The following TGFBR3 variants were observed in gnomAD, a reference collection of about 807,000 sequenced individuals.
TGFBR3 encodes transforming growth factor beta receptor type 3.
Under a neutral mutation model 87.9 loss-of-function variants are expected in TGFBR3, and 46 were observed. The ratio of observed to expected loss-of-function variants is 0.52; its 90% CI spans 0.41 to 0.67. TGFBR3 has a LOEUF of 0.67. TGFBR3 is among the 30% of genes least tolerant of loss of function. The probability of loss-of-function intolerance (pLI) is 0.00; values close to 1 mark genes in which losing one functional copy is unlikely to be tolerated. For missense variants in TGFBR3, 866 were observed against 1,041.9 expected, an observed-to-expected ratio of 0.83 and a Z score of 2.32; for synonymous variants, 381 against 391.6, an observed-to-expected ratio of 0.97 and a Z score of 0.32.
intron 2 of TGFBR3, among the ~76,000 whole-genome samples, chr1:91,857,019 A>G (rs1158414143): frequency 6.6e-6 from 1 of 152,182 alleles, no homozygotes. Flanking sequence ...GGAGGTGATG[A>G]TAATAATAAT....
intron 4 of TGFBR3, among the ~76,000 whole-genome samples, chr1:91,757,944 C>G (rs1008489470): frequency 6.6e-6 from 1 of 152,188 alleles, no homozygotes; most frequent in Non-Finnish European, 1.5e-5. Flanking sequence ...GTTACAACTA[C>G]CAAGTTGCAG....
chr1:91,875,961 G>A (rs1435392414), intron 1 of TGFBR3, among the ~76,000 whole-genome samples: 1 of 145,990 alleles, frequency 6.8e-6, no homozygotes, highest in East Asian at 2.0e-4. Context: ...GAAGACTGAA[G>A]AGACATCCGG....
intron 2 of TGFBR3, among the ~76,000 whole-genome samples, chr1:91,838,178 T>C (rs1045459900): frequency 6.6e-6 from 1 of 152,202 alleles, no homozygotes; most frequent in African/African-American, 2.4e-5. Context: ...ATCTCTTCTG[T>C]ATTATTCAGA....
At chr1:91,821,270 G>A (rs1676441183) in intron 2 of TGFBR3, among the ~76,000 whole-genome samples, 1 of 146,200 alleles carries the variant, frequency 6.8e-6, no homozygotes, top group Non-Finnish European at 1.5e-5. Flanking sequence ...ACAGAAGTTG[G>A]AGTGAGCCGA....
At chr1:91,750,249 ACT>A (rs1449465187) in intron 4 of TGFBR3, among the ~76,000 whole-genome samples, 1 of 152,120 alleles carries the variant, frequency 6.6e-6, no homozygotes, top group African/African-American at 2.4e-5. Flanking sequence ...CCATTCACTC[ACT>A]CACAACATTC....
chr1:91,717,201 G>C (rs1672205437), intron 10 of TGFBR3, among the ~76,000 whole-genome samples: 1 of 151,730 alleles, frequency 6.6e-6, no homozygotes, highest in Non-Finnish European at 1.5e-5. Context: ...CAGCAGCGAA[G>C]GACCTAATGT....
intron 2 of TGFBR3, among the ~76,000 whole-genome samples, chr1:91,856,436 C>T (rs1677958967): frequency 6.6e-6 from 1 of 151,898 alleles, no homozygotes; most frequent in Non-Finnish European, 1.5e-5. Context: ...CCGGCCCCGA[C>T]TGCCTTCATT....
At chr1:91,872,625 A>C (rs1678625762) in intron 1 of TGFBR3, among the ~76,000 whole-genome samples, 1 of 152,216 alleles carries the variant, frequency 6.6e-6, no homozygotes, top group African/African-American at 2.4e-5. Flanking sequence ...GGATGGGCAC[A>C]GAAACAAGGC....
intron 2 of TGFBR3, among the ~76,000 whole-genome samples, chr1:91,854,699 G>GT (rs1397410295): frequency 6.6e-6 from 1 of 152,114 alleles, no homozygotes; most frequent in Non-Finnish European, 1.5e-5. Flanking sequence ...AAAACATCAT[G>GT]ATGTACACCA....
chr1:91,817,500 T>C (rs1676276843), intron 2 of TGFBR3, among the ~76,000 whole-genome samples: 1 of 152,204 alleles, frequency 6.6e-6, no homozygotes, highest in Non-Finnish European at 1.5e-5. Flanking sequence ...CTAGAAGTGC[T>C]TGTTTGTTTG....
intron 2 of TGFBR3, among the ~76,000 whole-genome samples, chr1:91,858,354 C>T (rs545876973): frequency 1.3e-5 from 2 of 152,210 alleles, no homozygotes; most frequent in South Asian, 2.1e-4. Context: ...GTGGCTCACA[C>T]CTGTAATCCC....
intron 14 of TGFBR3, among the ~76,000 whole-genome samples, chr1:91,707,055 A>G (rs1444939906): frequency 6.6e-6 from 1 of 152,254 alleles, no homozygotes. Flanking sequence ...GGCCAGAAAA[A>G]TGAATTAAAG....
At chr1:91,719,816 A>T (rs1307267414) in intron 9 of TGFBR3, 77 bp downstream of exon 9, 2 of 1,509,548 alleles carry the variant, frequency 1.3e-6, no homozygotes, top group Non-Finnish European at 1.8e-6. Flanking sequence ...AGAGATAGGG[A>T]GAAATTACAG....
intron 1 of TGFBR3, among the ~76,000 whole-genome samples, chr1:91,885,633 C>T (rs955481820): frequency 1.3e-5 from 2 of 152,158 alleles, no homozygotes; most frequent in African/African-American, 4.8e-5. Context: ...TGCGCATCGC[C>T]GGGGGCACTG....
At chr1:91,750,731 G>C (rs917228293) in intron 4 of TGFBR3, among the ~76,000 whole-genome samples, 8 of 152,136 alleles carry the variant, frequency 5.3e-5, no homozygotes, top group African/African-American at 1.9e-4. Context: ...ACACAAACTG[G>C]TATATCCGGG....
intron 11 of TGFBR3, 59 bp from the exon 12 acceptor site, chr1:91,716,453 T>G: frequency 6.2e-7 from 1 of 1,613,728 alleles, no homozygotes; most frequent in East Asian, 2.2e-5. Flanking sequence ...GAAGGCCCTG[T>G]AGCTTCATGA....
chr1:91,723,840 G>A (rs149454049), intron 7 of TGFBR3, among the ~76,000 whole-genome samples: 3 of 152,272 alleles, frequency 2.0e-5, no homozygotes, highest in African/African-American at 7.2e-5. Flanking sequence ...CATGCATGCA[G>A]CATTTTTCCT....
intron 10 of TGFBR3, among the ~76,000 whole-genome samples, chr1:91,717,687 AT>A (rs1372346033): frequency 7.4e-6 from 1 of 135,874 alleles, no homozygotes; most frequent in Non-Finnish European, 1.6e-5. Flanking sequence ...TGGGAAGAAA[AT>A]TAAAAAAAAA....
chr1:91,787,130 G>A (rs61781089), intron 3 of TGFBR3, among the ~76,000 whole-genome samples: 25 of 152,028 alleles, frequency 1.6e-4, no homozygotes, highest in Non-Finnish European at 2.9e-4. Flanking sequence ...GTGAAACTCC[G>A]TCTCTACTAA....
Sources: allele counts gnomAD v4.1 joint callset (sites outside exome capture counted in the v4.1 genomes callset), GRCh38; gene constraint gnomAD v4.1.1; transcripts MANE v1.5; gene names NCBI Gene and HGNC (gene_info 2026-07-23, HGNC 2026-07-21).